The following ITPR2 variants were observed in gnomAD, a reference collection of about 807,000 sequenced individuals.
ITPR2 encodes inositol 1,4,5-trisphosphate receptor type 2, also known as inositol 1,4,5-trisphosphate-gated calcium channel ITPR2.
Under a neutral mutation model 317.1 loss-of-function variants are expected in ITPR2, and 207 were observed. That is an observed-to-expected ratio of 0.65 (90% CI 0.58 to 0.73). ITPR2 has a LOEUF of 0.73. Among genes scored for constraint, ITPR2 ranks in the 30% least tolerant of loss-of-function variants. The pLI, the probability that ITPR2 is intolerant of heterozygous loss-of-function variation, is 0.00. For synonymous variants in ITPR2, 1,156 were observed against 1,149.1 expected (o/e 1.01, Z -0.12); for missense variants, 2,613 against 3,284.0 (o/e 0.80, Z 4.99).
At chr12:26,767,364 G>A (rs1426986125) in intron 2 of ITPR2, among the ~76,000 whole-genome samples, 1 of 152,220 alleles carries the variant, frequency 6.6e-6, no homozygotes, top group African/African-American at 2.4e-5. Flanking sequence ...ATAAAGTTCT[G>A]AGCCTAGGGC....
chr12:26,811,036 C>CAAA (rs79796097), intron 1 of ITPR2, among the ~76,000 whole-genome samples: 5 of 108,306 alleles, frequency 4.6e-5, no homozygotes, highest in African/African-American at 7.7e-5. Flanking sequence ...TTTTAAGTTA[C>CAAA]AAAAAAAAAA....
In ITPR2 at chr12:26,608,046, G is replaced by A. The variant is rs549478017; in HGVS notation, c.3463-5340C>T. On this transcript the variant is annotated intron_variant, in intron 26 of 56. Coordinates refer to ENST00000381340, the MANE Select transcript of ITPR2 (RefSeq NM_002223.4). ...TGAGGCAGGAGAATGGCGTGAATCCGGGAGGTGGAGCTTGCAGTGAGCCGA... is the reference window on the plus strand; with the variant it reads ...TGAGGCAGGAGAATGGCGTGAATCCAGGAGGTGGAGCTTGCAGTGAGCCGA... Among the ~76,000 whole-genome samples, 14 of 152,276 alleles carry A rather than the reference G, an allele frequency of 9.2e-5. No individual in the cohort carries two copies. In the South Asian group the frequency reaches 2.5e-3, roughly 27 times the overall value.
At chr12:26,446,345 C>A (rs1033260446) in intron 45 of ITPR2, among the ~76,000 whole-genome samples, 1 of 151,934 alleles carries the variant, frequency 6.6e-6, no homozygotes, top group Admixed American at 6.6e-5. Context: ...TAATGAGATA[C>A]GTAGTTTTGT....
At chr12:26,789,833 A>G (rs77104965) in intron 2 of ITPR2, among the ~76,000 whole-genome samples, 12 of 152,388 alleles carry the variant, frequency 7.9e-5, no homozygotes, top group East Asian at 3.9e-4. Context: ...TATAACATTT[A>G]TAACTGTCAG....
intron 2 of ITPR2, among the ~76,000 whole-genome samples, chr12:26,740,959 T>C (rs1031830045): frequency 2.0e-5 from 3 of 152,250 alleles, no homozygotes; most frequent in African/African-American, 7.2e-5. Context: ...AGAATGAGAA[T>C]GGGCCACCAT....
intron 37 of ITPR2, among the ~76,000 whole-genome samples, chr12:26,503,309 G>A (rs6487555): frequency 0.53 from 80,163 of 151,760 alleles, 21,974 homozygotes; most frequent in South Asian, 0.65. Flanking sequence ...AACTGGCACT[G>A]GTATTACTTA....
chr12:26,550,024 A>G (rs1944485047), intron 37 of ITPR2, among the ~76,000 whole-genome samples: 1 of 151,964 alleles, frequency 6.6e-6, no homozygotes. Context: ...TAAGAATATA[A>G]TAAAACAAAT....
intron 37 of ITPR2, among the ~76,000 whole-genome samples, chr12:26,523,916 C>A (rs1943736657): frequency 6.6e-6 from 1 of 152,214 alleles, no homozygotes; most frequent in Admixed American, 6.5e-5. Context: ...TTGGCAGAGC[C>A]GCCTCAGTGG....
chr12:26,452,000 G>T (rs1941753496), intron 45 of ITPR2, among the ~76,000 whole-genome samples: 2 of 152,088 alleles, frequency 1.3e-5, no homozygotes, highest in African/African-American at 2.4e-5. Context: ...TCAAAATGGG[G>T]TTTCTGGGAC....
chr12:26,566,068 G>A (rs1328014109), intron 34 of ITPR2, among the ~76,000 whole-genome samples: 1 of 136,638 alleles, frequency 7.3e-6, no homozygotes, highest in African/African-American at 2.8e-5. Context: ...AGAAGGAGAG[G>A]AAAGGAGAAG....
intron 45 of ITPR2, among the ~76,000 whole-genome samples, chr12:26,451,064 T>G (rs1333486914): frequency 6.6e-6 from 1 of 152,156 alleles, no homozygotes; most frequent in East Asian, 1.9e-4. Context: ...TGAGCAGATT[T>G]TGGTATATAA....
chr12:26,665,986 T>G lies in ITPR2; in HGVS notation c.1475A>C (p.Glu492Ala). The G allele has an allele frequency of 2.5e-6, 4 of 1,613,676 alleles. No individual in the cohort carries two copies. Among genetic ancestry groups the G allele is most frequent in the Non-Finnish European group, 3.4e-6 (4 of 1,179,574 alleles). The stretch of plus-strand genomic sequence containing the variant: ...CTTAGTGATAACCACATCCAGAACT[T>G]CTTGTCCATTATTAGGCACATCAGC... ...FVADVPNNGQ[E>A]VLDVVITKPN... is the part of the protein sequence containing the mutation. Residue 492 changes from glutamate to alanine, a missense_variant, in exon 14 of 57, where the codon GAA (glutamate) becomes GCA (alanine). Glu to Ala is a moderately radical substitution (Grantham distance 107, BLOSUM62 -1). Around this residue, in one of 9 missense-constraint regions of ITPR2, gnomAD observed 515 missense variants for 789.4 expected, o/e 0.65. Transcript: ENST00000381340.
rs568527947 is a variant in ITPR2 at position 26,743,973 on chromosome 12, C to T, written c.164-18208G>A. On this transcript the variant is annotated intron_variant, in intron 2 of 56. Transcript: ENST00000381340. ...CTACCTTTAAAATAGATCTAGCAACCGATTTCTTACCAACTCATCATCCTA... is the reference window on the plus strand; with the variant it reads ...CTACCTTTAAAATAGATCTAGCAACTGATTTCTTACCAACTCATCATCCTA... Among the ~76,000 whole-genome samples, 8 of 152,310 alleles carry T rather than the reference C, an allele frequency of 5.3e-5. No homozygotes were observed. In the South Asian group the frequency reaches 1.4e-3, roughly 28 times the overall value.
intron 1 of ITPR2, among the ~76,000 whole-genome samples, chr12:26,825,910 A>G (rs1376336978): frequency 2.0e-5 from 3 of 152,340 alleles, no homozygotes; most frequent in East Asian, 3.9e-4. Flanking sequence ...CAAATGTCCA[A>G]TGGACTTTTA....
chr12:26,554,149 A>G (rs554285721), intron 36 of ITPR2, among the ~76,000 whole-genome samples: 3 of 152,250 alleles, frequency 2.0e-5, no homozygotes, highest in African/African-American at 7.2e-5. Context: ...ACTTCATAAC[A>G]CTTTCTCATA....
intron 10 of ITPR2, among the ~76,000 whole-genome samples, chr12:26,693,636 T>C (rs2136986176): frequency 6.6e-6 from 1 of 152,344 alleles, no homozygotes; most frequent in East Asian, 1.9e-4. Context: ...TAATTTGTAT[T>C]ATTATATTTT....
intron 21 of ITPR2, among the ~76,000 whole-genome samples, chr12:26,645,296 T>C (rs1947089055): frequency 6.6e-6 from 1 of 152,240 alleles, no homozygotes; most frequent in Non-Finnish European, 1.5e-5. Context: ...CATGCTCATC[T>C]GATACAATAC....
At chr12:26,581,354 C>T (rs533590819) in intron 32 of ITPR2, among the ~76,000 whole-genome samples, 12 of 152,172 alleles carry the variant, frequency 7.9e-5, no homozygotes, top group Non-Finnish European at 1.8e-4. Context: ...CACTTCCCAT[C>T]TGAGCAGTTC....
chr12:26,586,521 T>C (rs1945533416), intron 32 of ITPR2, among the ~76,000 whole-genome samples: 1 of 152,258 alleles, frequency 6.6e-6, no homozygotes, highest in East Asian at 1.9e-4. Context: ...TTTCATCTAT[T>C]GCTTTCATCT....
Sources: allele counts gnomAD v4.1 joint callset (sites outside exome capture counted in the v4.1 genomes callset), GRCh38; gene constraint gnomAD v4.1.1; regional missense constraint gnomAD v4.1.1; transcripts MANE v1.5; gene names NCBI Gene and HGNC (gene_info 2026-07-23, HGNC 2026-07-21).